BTBD9: variants seen among roughly 807,000 people sequenced by gnomAD.
The protein encoded by BTBD9 is BTB/POZ domain-containing protein 9.
Under a neutral mutation model 64.3 loss-of-function variants are expected in BTBD9, and 49 were observed. The observed-to-expected ratio is 0.76, with a 90% CI of 0.61 to 0.97. The LOEUF (loss-of-function observed/expected upper bound fraction) is 0.97. BTBD9 is among the 50% of genes least tolerant of loss of function. The probability of loss-of-function intolerance (pLI) is 0.00; values close to 1 mark genes in which losing one functional copy is unlikely to be tolerated. For synonymous variants in BTBD9, 260 were observed against 274.7 expected, an observed-to-expected ratio of 0.95 and a Z score of 0.53; for missense variants, 598 against 762.1, an observed-to-expected ratio of 0.78 and a Z score of 2.53.
intron 6 of BTBD9, among the ~76,000 whole-genome samples, chr6:38,416,326 C>A (rs1214902645): frequency 6.7e-6 from 1 of 150,180 alleles, no homozygotes; most frequent in East Asian, 1.9e-4. Flanking sequence ...AGTCAGGTGT[C>A]CCCCTCTGTA....
At chr6:38,358,633 C>T (rs1253883451) in intron 6 of BTBD9, among the ~76,000 whole-genome samples, 1 of 152,118 alleles carries the variant, frequency 6.6e-6, no homozygotes, top group Admixed American at 6.5e-5. Flanking sequence ...CAACAAGGGT[C>T]CATTCCATTT....
intron 1 of BTBD9, chr6:38,612,763 T>A (rs1207540162): frequency 6.6e-6 from 1 of 151,670 alleles, no homozygotes; most frequent in African/African-American, 2.4e-5. Context: ...CACCCCCAAA[T>A]CCCCTTCAAG....
chr6:38,371,919 A>G (rs13209118), intron 6 of BTBD9, among the ~76,000 whole-genome samples: 26,988 of 152,188 alleles, frequency 0.18, 2,539 homozygotes, highest in Non-Finnish European at 0.2. Flanking sequence ...ATTTTTATAA[A>G]ACTGAAGGGA....
chr6:38,370,636 T>A (rs1357917820), intron 6 of BTBD9, among the ~76,000 whole-genome samples: 1 of 147,904 alleles, frequency 6.8e-6, no homozygotes, highest in Non-Finnish European at 1.5e-5. Flanking sequence ...GCAATGGACA[T>A]CCCATCAGAT....
At chr6:38,410,717 T>C (rs1214522825) in intron 6 of BTBD9, among the ~76,000 whole-genome samples, 1 of 151,690 alleles carries the variant, frequency 6.6e-6, no homozygotes, top group Non-Finnish European at 1.5e-5. Context: ...AACTTAACAA[T>C]GCAACAGTGT....
At chr6:38,517,966 T>A (rs1773111590) in intron 6 of BTBD9, among the ~76,000 whole-genome samples, 1 of 152,140 alleles carries the variant, frequency 6.6e-6, no homozygotes, top group Non-Finnish European at 1.5e-5. Flanking sequence ...TAGGAATTAA[T>A]TCCAGATGAA....
intron 7 of BTBD9, among the ~76,000 whole-genome samples, chr6:38,301,721 T>G (rs1762409496): frequency 6.6e-6 from 1 of 152,232 alleles, no homozygotes; most frequent in Admixed American, 6.5e-5. Context: ...TTCGTCATTT[T>G]TTATTGCGTC....
intron 1 of BTBD9, among the ~76,000 whole-genome samples, chr6:38,602,556 G>C (rs1777290999): frequency 6.6e-6 from 1 of 151,946 alleles, no homozygotes; most frequent in South Asian, 2.1e-4. Context: ...TAAGTCACTA[G>C]ACTGGGGCTG....
intron 6 of BTBD9, among the ~76,000 whole-genome samples, chr6:38,347,822 C>A (rs1011499035): frequency 6.6e-6 from 1 of 152,060 alleles, no homozygotes; most frequent in African/African-American, 2.4e-5. Context: ...CACGGTGAAA[C>A]CCCATCTCTA....
Position 38,297,841 on chromosome 6 carries a change from C to CTT in BTBD9, c.1265-9382_1265-9381dup, listed in dbSNP as rs747848539. Among the ~76,000 whole-genome samples the CTT allele has an allele frequency of 1.1e-3, 148 of 136,532 alleles. 1 individual carries two copies. The highest frequency in any genetic ancestry group is 9.2e-3 in the South Asian group (39 of 4,252). 89.6% of individuals were successfully genotyped at this position (136,532 alleles called of 152,430 possible). On this transcript the variant is annotated intron_variant, in intron 7 of 10. Coordinates refer to ENST00000481247, the MANE Select transcript of BTBD9 (RefSeq NM_001099272.2). Reference sequence around the variant, plus strand: ...TTTCTGCCCATTCTGCTCCAGTTTTCTTTTTTTTTTTTTTTCTGAGATGGA... The same window carrying CTT: ...TTTCTGCCCATTCTGCTCCAGTTTTCTTTTTTTTTTTTTTTTTCTGAGATGGA...
intron 7 of BTBD9, among the ~76,000 whole-genome samples, chr6:38,303,239 C>T (rs1267099152): frequency 6.6e-6 from 1 of 152,040 alleles, no homozygotes; most frequent in African/African-American, 2.4e-5. Flanking sequence ...AAGCATTTCC[C>T]CCATGTTTTC....
chr6:38,381,366 AG>A (rs946656123), intron 6 of BTBD9, among the ~76,000 whole-genome samples: 1 of 152,180 alleles, frequency 6.6e-6, no homozygotes, highest in African/African-American at 2.4e-5. Flanking sequence ...CTCAAGAAAG[AG>A]GGTAACTATA....
chr6:38,589,459 G>A (rs1776698135), intron 4 of BTBD9, among the ~76,000 whole-genome samples: 1 of 152,130 alleles, frequency 6.6e-6, no homozygotes, highest in Non-Finnish European at 1.5e-5. Flanking sequence ...GACAGGATCC[G>A]ACATGATAAT....
At chr6:38,223,580 C>G (rs781338899) in intron 9 of BTBD9, among the ~76,000 whole-genome samples, 5 of 152,152 alleles carry the variant, frequency 3.3e-5, no homozygotes, top group Non-Finnish European at 7.3e-5. Flanking sequence ...TCGAGTGATC[C>G]TCCCACCTTG....
At chr6:38,635,345 A>G (rs1325712684) in intron 1 of BTBD9, among the ~76,000 whole-genome samples, 1 of 152,110 alleles carries the variant, frequency 6.6e-6, no homozygotes, top group African/African-American at 2.4e-5. Flanking sequence ...CATGTTGGCC[A>G]GGCTAGTCTC....
chr6:38,213,967 G>A (rs1762923208), intron 9 of BTBD9, among the ~76,000 whole-genome samples: 1 of 151,542 alleles, frequency 6.6e-6, no homozygotes, highest in African/African-American at 2.4e-5. Context: ...CTGCACTCCA[G>A]CCTGGGTGAC....
At chr6:38,194,882 G>A (rs1202591128) in intron 9 of BTBD9, among the ~76,000 whole-genome samples, 1 of 152,240 alleles carries the variant, frequency 6.6e-6, no homozygotes, top group Non-Finnish European at 1.5e-5. Context: ...AGGGCTGGCA[G>A]GGCAGCAGTC....
intron 10 of BTBD9, among the ~76,000 whole-genome samples, chr6:38,188,216 T>G (rs1761903802): frequency 6.6e-6 from 1 of 152,254 alleles, no homozygotes; most frequent in Non-Finnish European, 1.5e-5. Context: ...TGGTCCCTGT[T>G]GCAGAGCTAT....
intron 8 of BTBD9, among the ~76,000 whole-genome samples, chr6:38,279,742 C>T (rs1761437525): frequency 6.6e-6 from 1 of 152,138 alleles, no homozygotes; most frequent in African/African-American, 2.4e-5. Flanking sequence ...GCTATAATCA[C>T]TACCGGTGAA....
Sources: gnomAD v4.1 joint callset for allele counts (sites outside exome capture counted in the v4.1 genomes callset) on GRCh38, gnomAD v4.1.1 for gene constraint, MANE v1.5 for transcripts, NCBI Gene and HGNC (gene_info 2026-07-23, HGNC 2026-07-21) for gene names.